Variants in TRIM44 observed in about 807,000 individuals in gnomAD.
TRIM44 encodes tripartite motif containing 44.
Under a neutral mutation model 37.4 loss-of-function variants are expected in TRIM44, and 13 were observed. The observed-to-expected ratio is 0.35, with a 90% CI of 0.23 to 0.55. The LOEUF (loss-of-function observed/expected upper bound fraction) is 0.55. Ranked by LOEUF, TRIM44 falls within the 20% of genes least tolerant of loss-of-function variation. TRIM44 has a pLI of 0.89. For synonymous variants in TRIM44, 175 were observed against 157.2 expected, an observed-to-expected ratio of 1.11 and a Z score of -0.85; for missense variants, 426 against 437.2, an observed-to-expected ratio of 0.97 and a Z score of 0.23.
At chr11:35,743,037 C>T (rs1226939818) in intron 4 of TRIM44, among the ~76,000 whole-genome samples, 2 of 151,756 alleles carry the variant, frequency 1.3e-5, no homozygotes, top group East Asian at 1.9e-4. Flanking sequence ...TAGGTTCCAA[C>T]TAACTCAGGA....
chr11:35,811,477 A>G lies in TRIM44; in HGVS notation c.*5092A>G, dbSNP rs965739449. ...TAGAGCAAATTACAGTTAGGCCAACAAAATCTTTGTTTTGTGAAACTTTAG... is the reference window on the plus strand; with the variant it reads ...TAGAGCAAATTACAGTTAGGCCAACGAAATCTTTGTTTTGTGAAACTTTAG... On this transcript the variant is annotated 3_prime_UTR_variant, in exon 5 of 5. Coordinates refer to ENST00000299413, the MANE Select transcript of TRIM44 (RefSeq NM_017583.6). 6.6e-6 allele frequency: 1 copy of G among 152,254 alleles called. No individual in the cohort carries two copies. The highest frequency in any genetic ancestry group is 2.4e-5 in the African/African-American group (1 of 41,472). 9.4% of individuals were successfully genotyped at this position (152,254 alleles called of 1,614,324 possible).
At chr11:35,675,755 C>T (rs533574352) in intron 1 of TRIM44, among the ~76,000 whole-genome samples, 44 of 152,208 alleles carry the variant, frequency 2.9e-4, no homozygotes, top group African/African-American at 9.6e-4. Context: ...CTCCTGACTT[C>T]GTGATCTACC....
At chr11:35,715,335 T>C (rs1852025423) in intron 2 of TRIM44, among the ~76,000 whole-genome samples, 1 of 151,942 alleles carries the variant, frequency 6.6e-6, no homozygotes, top group East Asian at 1.9e-4. Context: ...TACTTCACAG[T>C]TATTAGGCCC....
intron 1 of TRIM44, among the ~76,000 whole-genome samples, chr11:35,678,021 C>T (rs1304823350): frequency 6.6e-6 from 1 of 151,866 alleles, no homozygotes; most frequent in Non-Finnish European, 1.5e-5. Flanking sequence ...GTGTAAAAGC[C>T]CTGAGATAGA....
rs1437835664 is a variant in TRIM44 at position 35,814,738 on chromosome 11, T to C, written c.*8353T>C. The C allele has an allele frequency of 6.6e-6, 1 of 152,186 alleles. No individual in the cohort carries two copies. The highest frequency in any genetic ancestry group is 1.9e-4 in the East Asian group (1 of 5,192). The allele number at this position is 152,186 out of a possible 1,614,324, so 9.4% of individuals were successfully genotyped here. On this transcript the variant is annotated 3_prime_UTR_variant, in exon 5 of 5. Coordinates refer to ENST00000299413, the MANE Select transcript of TRIM44 (RefSeq NM_017583.6). ...TAATGATGAGTTTTGTCACTTGCTA[T>C]AACATTCTCTGTCCGTCTTTTTTCT...
chr11:35,721,399 A>T (rs1852105010), intron 2 of TRIM44, among the ~76,000 whole-genome samples: 1 of 152,188 alleles, frequency 6.6e-6, no homozygotes, highest in African/African-American at 2.4e-5. Context: ...ACATTTTGGT[A>T]TTTATTTTGG....
intron 4 of TRIM44, among the ~76,000 whole-genome samples, chr11:35,764,598 C>A (rs148130832): frequency 6.6e-6 from 1 of 152,256 alleles, no homozygotes; most frequent in African/African-American, 2.4e-5. Context: ...ACACCATGAC[C>A]TTTGGCAGAA....
chr11:35,791,808 C>G (rs1049507624), intron 4 of TRIM44, among the ~76,000 whole-genome samples: 1 of 152,074 alleles, frequency 6.6e-6, no homozygotes, highest in Non-Finnish European at 1.5e-5. Flanking sequence ...TAGCTACATT[C>G]TTTGCTATAC....
chr11:35,699,292 T>G (rs1353273539), intron 2 of TRIM44, among the ~76,000 whole-genome samples: 1 of 152,150 alleles, frequency 6.6e-6, no homozygotes, highest in Non-Finnish European at 1.5e-5. Flanking sequence ...GCAAGTCTGG[T>G]TCAACATACG....
intron 2 of TRIM44, among the ~76,000 whole-genome samples, chr11:35,716,747 G>A (rs1361350864): frequency 1.3e-5 from 2 of 152,172 alleles, no homozygotes; most frequent in Non-Finnish European, 2.9e-5. Flanking sequence ...GAGGAAACAA[G>A]TTGACATTTG....
Position 35,809,789 on chromosome 11 carries a change from T to A in TRIM44, c.*3404T>A, listed in dbSNP as rs1375623549. 1.3e-5 allele frequency: 2 copies of A among 152,124 alleles called. No individual in the cohort carries two copies. Among genetic ancestry groups the A allele is most frequent in the African/African-American group, 4.8e-5 (2 of 41,412 alleles). 9.4% of individuals were successfully genotyped at this position (152,124 alleles called of 1,614,324 possible). ...AGTGAATCTGGACTCTCTTACTGATTCCTGGTTTTAGTGTGTGTGTCGGGG... is the reference window on the plus strand; with the variant it reads ...AGTGAATCTGGACTCTCTTACTGATACCTGGTTTTAGTGTGTGTGTCGGGG... On this transcript the variant is annotated 3_prime_UTR_variant, in exon 5 of 5. Transcript: ENST00000299413.
intron 4 of TRIM44, among the ~76,000 whole-genome samples, chr11:35,752,329 C>T (rs537464581): frequency 6.6e-6 from 1 of 152,200 alleles, no homozygotes; most frequent in Admixed American, 6.5e-5. Context: ...ACTCATTCTT[C>T]CTCCTGCCAG....
At chr11:35,707,145 A>G (rs561115268) in intron 2 of TRIM44, among the ~76,000 whole-genome samples, 2 of 152,222 alleles carry the variant, frequency 1.3e-5, no homozygotes, top group Admixed American at 6.5e-5. Flanking sequence ...CCAAATCATG[A>G]GTGAACTCCC....
intron 4 of TRIM44, among the ~76,000 whole-genome samples, chr11:35,746,855 T>C (rs1042601638): frequency 4.6e-5 from 7 of 152,338 alleles, no homozygotes; most frequent in Admixed American, 4.6e-4. Flanking sequence ...CATTTTCTTA[T>C]ATAAATGCCT....
chr11:35,755,288 C>A (rs1852620758), intron 4 of TRIM44, among the ~76,000 whole-genome samples: 2 of 152,220 alleles, frequency 1.3e-5, no homozygotes, highest in African/African-American at 4.8e-5. Context: ...TGTCTGTTGG[C>A]TGCATAAATG....
chr11:35,733,781 T>G (rs1205958970), intron 3 of TRIM44, among the ~76,000 whole-genome samples: 1 of 152,134 alleles, frequency 6.6e-6, no homozygotes, highest in Non-Finnish European at 1.5e-5. Context: ...TCCAACCTTA[T>G]ACCACCCCCA....
rs1469391597 is a variant in TRIM44, at chr11:35,663,366, G to A, written c.255G>A (p.Val85=). 2 of 1,612,998 alleles carry A rather than the reference G, an allele frequency of 1.2e-6. No individual in the cohort carries two copies. Among genetic ancestry groups the A allele is most frequent in the African/African-American group, 2.7e-5 (2 of 74,900 alleles). The change falls in exon 1 of 5, where the codon GTG becomes GTA. Residue 85 remains valine, a synonymous_variant. Transcript: ENST00000299413. ...GAGKEEAEVK[V]EQEREIESEA... is the part of the protein sequence containing the mutation. ...GGAAGGAAGAAGCGGAGGTCAAGGT[G>A]GAGCAGGAGAGGGAGATAGAAAGCG...
intron 3 of TRIM44, among the ~76,000 whole-genome samples, chr11:35,727,027 T>G (rs1171009142): frequency 6.6e-6 from 1 of 151,762 alleles, no homozygotes; most frequent in Non-Finnish European, 1.5e-5. Flanking sequence ...GCAGACATGG[T>G]CTCACCTGCC....
intron 2 of TRIM44, 126 bp from the exon 3 acceptor site, chr11:35,725,798 T>C (rs1251981850): frequency 3.0e-6 from 3 of 1,002,090 alleles, no homozygotes; most frequent in Non-Finnish European, 4.3e-6. Flanking sequence ...TTTAGGATAT[T>C]CCCAAAACTT....
Sources: gnomAD v4.1 joint callset for allele counts (sites outside exome capture counted in the v4.1 genomes callset) on GRCh38, gnomAD v4.1.1 for gene constraint, MANE v1.5 for transcripts, NCBI Gene and HGNC (gene_info 2026-07-23, HGNC 2026-07-21) for gene names.